The following CPXM2 variants were observed in gnomAD, a reference collection of about 807,000 sequenced individuals.
CPXM2 encodes the protein inactive carboxypeptidase-like protein X2.
CPXM2 carries 66 observed loss-of-function variants against 86.1 expected under a neutral mutation model. The observed-to-expected ratio is 0.77, with a 90% CI of 0.63 to 0.94. The LOEUF (loss-of-function observed/expected upper bound fraction) is 0.94. CPXM2 is among the 40% of genes least tolerant of loss of function. CPXM2 has a pLI of 0.00. For synonymous variants in CPXM2, 388 were observed against 400.2 expected, an observed-to-expected ratio of 0.97 and a Z score of 0.36; for missense variants, 948 against 1,026.3, an observed-to-expected ratio of 0.92 and a Z score of 1.04.
At chr10:123,751,865 G>A in intron 13 of CPXM2, 1 of 985,236 alleles carries the variant, frequency 1.0e-6, no homozygotes, top group Non-Finnish European at 1.2e-6. Flanking sequence ...ATTTATAGAG[G>A]GGAAAATCAA....
At chr10:123,914,647 G>C (rs1354006713) in intron 2 of CPXM2, among the ~76,000 whole-genome samples, 3 of 152,090 alleles carry the variant, frequency 2.0e-5, no homozygotes, top group Non-Finnish European at 2.9e-5. Flanking sequence ...TGGCACCCGG[G>C]CCCTAAATGC....
At chr10:123,836,127 C>A (rs1848274772) in intron 4 of CPXM2, among the ~76,000 whole-genome samples, 1 of 152,138 alleles carries the variant, frequency 6.6e-6, no homozygotes, top group African/African-American at 2.4e-5. Context: ...CCCTGGAGAT[C>A]CCCGCAACGG....
At position 123,799,121 on chromosome 10, in the gene CPXM2, T is replaced by C; in HGVS notation, c.732A>G (p.Gly244=). The change falls in exon 5 of 14, where the codon GGA becomes GGG. Residue 244 remains glycine (G), a synonymous_variant. Coordinates refer to ENST00000241305, the MANE Select transcript of CPXM2 (RefSeq NM_198148.3). ...AATGGAGGATGAGACTCACCATGTC[T>C]CCAGATCCATTCTTAACAGTGACCC... ...HTWVTVKNGS[G]DMIFEGNSEK... 6.2e-7 allele frequency: 1 copy of C among 1,614,100 alleles called. No individual in the cohort carries two copies. The highest frequency in any genetic ancestry group is 1.1e-5 in the South Asian group (1 of 91,084).
chr10:123,750,543 AT>A (rs1403571284), intron 13 of CPXM2: 1 of 984,500 alleles, frequency 1.0e-6, no homozygotes, highest in Non-Finnish European at 1.2e-6. Context: ...CACTTAATTT[AT>A]TTTTTTCATG....
intron 1 of CPXM2, among the ~76,000 whole-genome samples, chr10:123,880,639 C>G (rs928272150): frequency 2.0e-5 from 3 of 151,886 alleles, no homozygotes; most frequent in Admixed American, 6.6e-5. Flanking sequence ...ACCATCCTGG[C>G]TAACACGGTG....
intron 13 of CPXM2, chr10:123,751,062 C>A (rs1846063242): frequency 9.1e-6 from 9 of 985,394 alleles, no homozygotes; most frequent in South Asian, 4.7e-5. Flanking sequence ...GCATCCCGGG[C>A]ATTCATGCGT....
chr10:123,878,484 C>A (rs1227270733), intron 2 of CPXM2, among the ~76,000 whole-genome samples: 1 of 145,952 alleles, frequency 6.9e-6, no homozygotes, highest in Non-Finnish European at 1.5e-5. Context: ...GTACCCATGG[C>A]AGAAAAGGAG....
chr10:123,898,293 TA>T (rs1008412738), intron 2 of CPXM2, among the ~76,000 whole-genome samples: 6 of 152,076 alleles, frequency 3.9e-5, no homozygotes, highest in African/African-American at 4.8e-5. Context: ...CAATCTTTAT[TA>T]AAAAAAATTC....
At chr10:123,881,255 T>TCCCCTCCCCTCCCCTC (rs1945087545) in intron 1 of CPXM2, among the ~76,000 whole-genome samples, 2 of 46,002 alleles carry the variant, frequency 4.3e-5, no homozygotes, top group Admixed American at 1.7e-4. Context: ...TCCCTTCCCT[T>TCCCCTCCCCTCCCCTC]CCCTTCCCTT....
chr10:123,879,320 T>C (rs1349924552), intron 2 of CPXM2, among the ~76,000 whole-genome samples: 1 of 152,178 alleles, frequency 6.6e-6, no homozygotes, highest in Non-Finnish European at 1.5e-5. Context: ...AAATGCAAAG[T>C]TGTGAAATGC....
At position 123,768,620 on chromosome 10, in the gene CPXM2, G is replaced by A. The variant is rs539111465; in HGVS notation, c.1205C>T (p.Ala402Val). Residue 402 changes from alanine (A) to valine (V), a missense_variant, in exon 9 of 14, where the codon GCC becomes GTC. Coordinates refer to ENST00000241305, the MANE Select transcript of CPXM2 (RefSeq NM_198148.3). Reference sequence around the variant, plus strand: ...CAGGTGGACGATGCGCGCATTCCGGGCCAAGTACTCCTGACACACGAACTG... The same window carrying A: ...CAGGTGGACGATGCGCGCATTCCGGACCAAGTACTCCTGACACACGAACTG... ...LVQFVCQEYL[A>V]RNARIVHLVE... 8.1e-6 allele frequency: 13 copies of A among 1,613,898 alleles called. No homozygotes were observed. In the African/African-American group the frequency reaches 1.5e-4, roughly 18 times the overall value.
intron 6 of CPXM2, among the ~76,000 whole-genome samples, chr10:123,793,292 A>G (rs930239021): frequency 9.2e-5 from 14 of 151,736 alleles, no homozygotes; most frequent in African/African-American, 3.1e-4. Flanking sequence ...GTGAAACCCC[A>G]TCTCTACTAA....
At chr10:123,928,789 C>G (rs765683332) in intron 2 of CPXM2, among the ~76,000 whole-genome samples, 54 of 152,234 alleles carry the variant, frequency 3.5e-4, no homozygotes, top group Non-Finnish European at 6.2e-4. Context: ...AGTCCCCTAG[C>G]CTTTGAGGCT....
At chr10:123,760,129 T>C (rs1240719080) in intron 11 of CPXM2, among the ~76,000 whole-genome samples, 1 of 152,066 alleles carries the variant, frequency 6.6e-6, no homozygotes, top group Non-Finnish European at 1.5e-5. Flanking sequence ...ATGGCAAATA[T>C]AATGGATAGA....
intron 4 of CPXM2, among the ~76,000 whole-genome samples, chr10:123,831,113 C>T (rs958238557): frequency 6.6e-6 from 1 of 152,208 alleles, no homozygotes; most frequent in African/African-American, 2.4e-5. Flanking sequence ...TTCTCCATTA[C>T]CTCCAGCAAA....
chr10:123,911,396 A>T (rs1268103268), intron 2 of CPXM2, among the ~76,000 whole-genome samples: 1 of 152,066 alleles, frequency 6.6e-6, no homozygotes, highest in African/African-American at 2.4e-5. Context: ...GGCAGCCCCA[A>T]GGGGGCTCCT....
chr10:123,762,049 A>G lies in CPXM2; in HGVS notation c.1600T>C (p.Trp534Arg). ...GTGGGGGTGTGTTCCTGCGTCTTCC[A>G]GGGGGACCGCACCAGGTCGTAGGGG... ...AYPYDLVRSPWKTQEHTPTPD... is the reference protein window; with the variant it reads ...AYPYDLVRSPRKTQEHTPTPD... The change falls in exon 11 of 14, where the codon TGG (tryptophan) becomes CGG (arginine). Residue 534 changes from tryptophan to arginine, a missense_variant. Trp to Arg is a moderately radical substitution (Grantham distance 101, BLOSUM62 -3). Transcript: ENST00000241305. The G allele has an allele frequency of 6.2e-7, 1 of 1,614,014 alleles. No homozygotes were observed. Among genetic ancestry groups the G allele is most frequent in the South Asian group, 1.1e-5 (1 of 91,060 alleles).
At chr10:123,750,560 G>A in intron 13 of CPXM2, 2 of 979,878 alleles carry the variant, frequency 2.0e-6, no homozygotes, top group Non-Finnish European at 2.4e-6. Flanking sequence ...TCATGGCACT[G>A]ATCATAGTGT....
chr10:123,877,397 G>A (rs188108698), intron 2 of CPXM2, among the ~76,000 whole-genome samples: 387 of 152,274 alleles, frequency 2.5e-3, no homozygotes, highest in African/African-American at 7.8e-3. Context: ...CACACAATTC[G>A]CATTTACTTT....
Sources: allele counts gnomAD v4.1 joint callset (sites outside exome capture counted in the v4.1 genomes callset), GRCh38; gene constraint gnomAD v4.1.1; transcripts MANE v1.5; gene names NCBI Gene and HGNC (gene_info 2026-07-23, HGNC 2026-07-21).